The following RIMS2 variants were observed in gnomAD, a reference collection of about 807,000 sequenced individuals.
RIMS2 encodes regulating synaptic membrane exocytosis 2.
A neutral mutation model predicts 174.4 loss-of-function variants in RIMS2; 59 were observed. The observed-to-expected ratio is 0.34, with a 90% CI of 0.27 to 0.42. RIMS2 has a LOEUF of 0.42. Among genes scored for constraint, RIMS2 ranks in the 10% least tolerant of loss-of-function variants. The pLI is 1.00. For synonymous variants in RIMS2, 606 were observed against 572.5 expected (o/e 1.06, Z -0.84); for missense variants, 1,620 against 1,666.3 (o/e 0.97, Z 0.48).
chr8:103,819,721 G>C (rs1456954706), intron 3 of RIMS2: 1 of 924,774 alleles, frequency 1.1e-6, no homozygotes, highest in Non-Finnish European at 1.6e-6. Context: ...TGAAGTGCTA[G>C]TGTTATAAAG....
At chr8:103,690,907 C>T (rs949692961) in intron 1 of RIMS2, among the ~76,000 whole-genome samples, 1 of 152,188 alleles carries the variant, frequency 6.6e-6, no homozygotes, top group Non-Finnish European at 1.5e-5. Flanking sequence ...TGAAATCCCT[C>T]AGCTTTTGTT....
At chr8:104,158,223 G>C (rs2098737234) in intron 19 of RIMS2, among the ~76,000 whole-genome samples, 1 of 152,166 alleles carries the variant, frequency 6.6e-6, no homozygotes, top group Non-Finnish European at 1.5e-5. Flanking sequence ...CGAAGGACAT[G>C]AACTCGTCCT....
At chr8:103,769,344 G>A (rs954421892) in intron 3 of RIMS2, among the ~76,000 whole-genome samples, 4 of 151,958 alleles carry the variant, frequency 2.6e-5, no homozygotes, top group African/African-American at 7.3e-5. Context: ...TTTTTGTTTT[G>A]AGACAGAAGT....
intron 19 of RIMS2, among the ~76,000 whole-genome samples, chr8:104,030,679 C>A (rs897592786): frequency 6.6e-6 from 1 of 152,118 alleles, no homozygotes; most frequent in African/African-American, 2.4e-5. Flanking sequence ...GCCTGGAATA[C>A]CTTCTCTTTA....
At chr8:103,629,005 T>C (rs1456044029) in intron 1 of RIMS2, among the ~76,000 whole-genome samples, 2 of 152,156 alleles carry the variant, frequency 1.3e-5, no homozygotes, top group Non-Finnish European at 2.9e-5. Flanking sequence ...GGAATTGTGG[T>C]AAGAGCCCTT....
At chr8:104,106,973 A>G (rs1233122794) in intron 19 of RIMS2, among the ~76,000 whole-genome samples, 6 of 152,170 alleles carry the variant, frequency 3.9e-5, no homozygotes, top group Admixed American at 3.9e-4. Flanking sequence ...TTATTTTCAA[A>G]TTCTGATTCT....
chr8:103,537,047 G>T (rs549805146), intron 1 of RIMS2, among the ~76,000 whole-genome samples: 1 of 152,206 alleles, frequency 6.6e-6, no homozygotes, highest in South Asian at 2.1e-4. Flanking sequence ...AGGCACTGGG[G>T]ATACATAGAT....
intron 19 of RIMS2, among the ~76,000 whole-genome samples, chr8:104,199,624 G>T (rs372913992): frequency 6.6e-6 from 1 of 152,214 alleles, no homozygotes; most frequent in Non-Finnish European, 1.5e-5. Flanking sequence ...AGGAATTTCA[G>T]AGTAGGAAGG....
At chr8:103,814,186 G>C (rs1162304962) in intron 3 of RIMS2, among the ~76,000 whole-genome samples, 1 of 152,112 alleles carries the variant, frequency 6.6e-6, no homozygotes, top group African/African-American at 2.4e-5. Flanking sequence ...TTATAAATGG[G>C]AGCTACATGA....
chr8:103,875,230 T>C (rs551220372), intron 3 of RIMS2, among the ~76,000 whole-genome samples: 1 of 152,098 alleles, frequency 6.6e-6, no homozygotes, highest in East Asian at 1.9e-4. Context: ...TAGTGTATAT[T>C]GTACCCAATA....
chr8:103,512,547 GTC>G (rs1827046699), intron 1 of RIMS2, among the ~76,000 whole-genome samples: 1 of 151,990 alleles, frequency 6.6e-6, no homozygotes, highest in African/African-American at 2.4e-5. Flanking sequence ...ATCCTAAGTT[GTC>G]TCTTAAAATT....
intron 19 of RIMS2, among the ~76,000 whole-genome samples, chr8:104,057,063 CT>C (rs749665730): frequency 0.12 from 16,541 of 135,228 alleles, 639 homozygotes; most frequent in Non-Finnish European, 0.19. Flanking sequence ...TTTTCTTTTT[CT>C]TTTTTTTTTT....
chr8:104,060,747 C>A (rs980327702), intron 19 of RIMS2, among the ~76,000 whole-genome samples: 1 of 152,114 alleles, frequency 6.6e-6, no homozygotes, highest in African/African-American at 2.4e-5. Flanking sequence ...TTGAATGTGT[C>A]CCAGAGATTG....
intron 19 of RIMS2, 126 bp downstream of exon 23, chr8:104,068,738 T>C: frequency 1.7e-6 from 1 of 578,872 alleles, no homozygotes; most frequent in Non-Finnish European, 3.0e-6. Flanking sequence ...ATGATATTAT[T>C]AAGTGCTAAA....
rs200459961 is a variant in RIMS2 at position 103,936,547 on chromosome 8, A to G, written c.2376-4A>G. On this transcript the variant is annotated splice_polypyrimidine_tract_variant and splice_region_variant and intron_variant, in intron 12 of 23. Coordinates refer to ENST00000504942, the Ensembl canonical transcript of RIMS2. ...AGTTCATAATTCATTGTTTTTTTCC[A>G]TAGTGATAAAAACAAGAGAAGAACT... The G allele has an allele frequency of 7.8e-6, 12 of 1,532,852 alleles. No homozygotes were observed. In the Admixed American group the frequency reaches 2.3e-4, roughly 29 times the overall value. 95.0% of individuals were successfully genotyped at this position (1,532,852 alleles called of 1,614,324 possible).
At chr8:104,234,517 A>T (rs2099248740) in intron 19 of RIMS2, among the ~76,000 whole-genome samples, 1 of 151,844 alleles carries the variant, frequency 6.6e-6, no homozygotes, top group Non-Finnish European at 1.5e-5. Flanking sequence ...ATGGGCTTTT[A>T]CTTTATCCCC....
At chr8:103,581,209 G>A (rs546626120) in intron 1 of RIMS2, among the ~76,000 whole-genome samples, 19 of 152,178 alleles carry the variant, frequency 1.2e-4, no homozygotes, top group South Asian at 8.3e-4. Context: ...GAAGACTGTA[G>A]AGCATAAATG....
At chr8:103,678,684 T>C (rs1259969688) in intron 1 of RIMS2, among the ~76,000 whole-genome samples, 6 of 151,938 alleles carry the variant, frequency 3.9e-5, no homozygotes, top group Middle Eastern at 3.2e-3. Context: ...ATCTGTTTTG[T>C]ATATGAATAC....
At position 103,683,309 on chromosome 8, in the gene RIMS2, A is replaced by G. The variant is rs143804344; in HGVS notation, c.177-13777A>G. Among the ~76,000 whole-genome samples the G allele has an allele frequency of 6.2e-3, 940 of 152,300 alleles. 12 individuals are homozygous for G. The highest frequency in any genetic ancestry group is 0.021 in the African/African-American group (890 of 41,570). ...GAGTGGGCAGGTGTGAAGAGATAAC[A>G]TGGTTAAAGAGGAAGTAAGAGAGTA... On this transcript the variant is annotated intron_variant, in intron 1 of 23. Coordinates refer to ENST00000504942, the Ensembl canonical transcript of RIMS2.
Sources: allele counts gnomAD v4.1 joint callset (sites outside exome capture counted in the v4.1 genomes callset), GRCh38; gene constraint gnomAD v4.1.1; transcripts MANE v1.5; gene names NCBI Gene and HGNC (gene_info 2026-07-23, HGNC 2026-07-21).